Variants in DLEU7 observed in about 807,000 individuals in gnomAD.
DLEU7 encodes the protein leukemia-associated protein 7.
In DLEU7, 17 loss-of-function variants were observed where a neutral mutation model predicts 16.0. The ratio of observed to expected loss-of-function variants is 1.06; its 90% confidence interval spans 0.73 to 1.59. The LOEUF (loss-of-function observed/expected upper bound fraction) is 1.59. Ranked by LOEUF, DLEU7 falls within the 40% of genes most tolerant of loss-of-function variation. The probability of loss-of-function intolerance (pLI) is 0.00; values close to 1 mark genes in which losing one functional copy is unlikely to be tolerated. For synonymous variants in DLEU7, 113 were observed against 139.8 expected (o/e 0.81, Z 1.35); for missense variants, 308 against 314.9 (o/e 0.98, Z 0.17).
intron 1 of DLEU7, among the ~76,000 whole-genome samples, chr13:50,776,150 G>A (rs1180670854): frequency 1.3e-5 from 2 of 152,020 alleles, no homozygotes; most frequent in Non-Finnish European, 2.9e-5. Flanking sequence ...ATATCCTCAA[G>A]GGTCAAATCA....
At chr13:50,841,916 G>A (rs1877676023) in intron 1 of DLEU7, among the ~76,000 whole-genome samples, 1 of 152,064 alleles carries the variant, frequency 6.6e-6, no homozygotes, top group Non-Finnish European at 1.5e-5. Context: ...GAGTGTAGGA[G>A]TGCTTCTCAT....
intron 1 of DLEU7, among the ~76,000 whole-genome samples, chr13:50,774,219 T>C (rs1341042052): frequency 1.3e-5 from 2 of 152,198 alleles, no homozygotes; most frequent in East Asian, 3.9e-4. Flanking sequence ...CCCCTTGAGC[T>C]TCCTGGGTGA....
At chr13:50,718,812 A>G (rs1873510840) in intron 1 of DLEU7, among the ~76,000 whole-genome samples, 1 of 152,232 alleles carries the variant, frequency 6.6e-6, no homozygotes, top group Admixed American at 6.5e-5. Context: ...ACAGTTTTCC[A>G]TATATGGTTT....
intron 1 of DLEU7, among the ~76,000 whole-genome samples, chr13:50,724,600 G>T (rs955330709): frequency 7.2e-5 from 11 of 152,188 alleles, no homozygotes; most frequent in Non-Finnish European, 1.3e-4. Context: ...GATAGTGAAA[G>T]GGAAGAGAGG....
At chr13:50,737,274 A>T (rs1874100317) in intron 1 of DLEU7, among the ~76,000 whole-genome samples, 1 of 152,202 alleles carries the variant, frequency 6.6e-6, no homozygotes. Context: ...AAAAGATAAT[A>T]CATTATGACC....
At chr13:50,760,388 G>A (rs1874894322) in intron 1 of DLEU7, among the ~76,000 whole-genome samples, 1 of 152,110 alleles carries the variant, frequency 6.6e-6, no homozygotes, top group African/African-American at 2.4e-5. Context: ...CAGGGACAGG[G>A]TCTCACTCTG....
chr13:50,829,407 C>T (rs1877191198), intron 1 of DLEU7, among the ~76,000 whole-genome samples: 1 of 152,070 alleles, frequency 6.6e-6, no homozygotes, highest in Non-Finnish European at 1.5e-5. Context: ...TAGAAGGAAC[C>T]ACTAAAACGT....
chr13:50,820,535 G>T (rs770463938), downstream of DLEU7, among the ~76,000 whole-genome samples: 3 of 152,100 alleles, frequency 2.0e-5, no homozygotes, highest in Non-Finnish European at 4.4e-5. Flanking sequence ...TACAGATTCA[G>T]GGTAGGTAGA....
chr13:50,752,877 G>C (rs1012589790), intron 1 of DLEU7, among the ~76,000 whole-genome samples: 1 of 152,142 alleles, frequency 6.6e-6, no homozygotes, highest in Non-Finnish European at 1.5e-5. Flanking sequence ...GGCTCAGGCA[G>C]CCTGCTTTTA....
chr13:50,783,188 C>T (rs978924034), intron 1 of DLEU7, among the ~76,000 whole-genome samples: 1 of 152,176 alleles, frequency 6.6e-6, no homozygotes, highest in African/African-American at 2.4e-5. Flanking sequence ...TCCCATTGCT[C>T]ACAGCAGCAA....
At chr13:50,776,822 G>A (rs769827884) in intron 1 of DLEU7, among the ~76,000 whole-genome samples, 2 of 152,172 alleles carry the variant, frequency 1.3e-5, no homozygotes, top group Non-Finnish European at 2.9e-5. Context: ...TTCTGGAATA[G>A]AAATCCTGTT....
At chr13:50,752,702 G>C (rs1056822236) in intron 1 of DLEU7, among the ~76,000 whole-genome samples, 6 of 152,046 alleles carry the variant, frequency 3.9e-5, no homozygotes, top group Admixed American at 2.6e-4. Flanking sequence ...GTGGGTTCGT[G>C]GTCTCGCTGG....
At chr13:50,739,738 A>G (rs1874197405) in intron 1 of DLEU7, among the ~76,000 whole-genome samples, 1 of 152,174 alleles carries the variant, frequency 6.6e-6, no homozygotes, top group African/African-American at 2.4e-5. Context: ...TTTCTGCTAC[A>G]TCTCACAACA....
chr13:50,720,566 C>T (rs937850621), intron 1 of DLEU7, among the ~76,000 whole-genome samples: 2 of 152,208 alleles, frequency 1.3e-5, no homozygotes, highest in African/African-American at 2.4e-5. Context: ...TTGTTTTATT[C>T]TCATGTTATT....
chr13:50,823,963 C>A (rs928224057), intron 1 of DLEU7, among the ~76,000 whole-genome samples: 1 of 152,222 alleles, frequency 6.6e-6, no homozygotes, highest in South Asian at 2.1e-4. Flanking sequence ...GTGGCTCTAG[C>A]TATACTTGAA....
chr13:50,833,949 C>T (rs1877361771), intron 1 of DLEU7, among the ~76,000 whole-genome samples: 1 of 152,194 alleles, frequency 6.6e-6, no homozygotes, highest in African/African-American at 2.4e-5. Flanking sequence ...AAAGGATTCC[C>T]TATTTAAAAA....
intron 1 of DLEU7, among the ~76,000 whole-genome samples, chr13:50,734,655 A>T (rs778274407): frequency 5.9e-5 from 9 of 152,194 alleles, no homozygotes; most frequent in Non-Finnish European, 1.3e-4. Context: ...GAGAAAAAAG[A>T]TAAAAATAGG....
chr13:50,711,891 T>C (rs2137697613), downstream of DLEU7: 1 of 151,906 alleles, frequency 6.6e-6, no homozygotes, highest in Non-Finnish European at 1.5e-5. Context: ...GATTTTTTTT[T>C]TTTTTTTCTG....
chr13:50,761,985 T>C (rs1316024142), intron 1 of DLEU7, among the ~76,000 whole-genome samples: 1 of 151,734 alleles, frequency 6.6e-6, no homozygotes, highest in Non-Finnish European at 1.5e-5. Context: ...GGTCAGGAGT[T>C]CAAGACCTGC....
Sources: allele counts gnomAD v4.1 joint callset (sites outside exome capture counted in the v4.1 genomes callset), GRCh38; gene constraint gnomAD v4.1.1; transcripts MANE v1.5; gene names NCBI Gene and HGNC (gene_info 2026-07-23, HGNC 2026-07-21).